The following SLC5A11 variants were observed in gnomAD, a reference collection of about 807,000 sequenced individuals.
SLC5A11 encodes sodium/myo-inositol cotransporter 2.
A neutral mutation model predicts 69.8 loss-of-function variants in SLC5A11; 48 were observed. The ratio of observed to expected loss-of-function variants is 0.69; its 90% CI spans 0.55 to 0.87. The LOEUF is 0.87. Among genes scored for constraint, SLC5A11 ranks in the 40% least tolerant of loss-of-function variants. SLC5A11 has a pLI of 0.00. For missense variants in SLC5A11, 784 were observed against 866.1 expected, an observed-to-expected ratio of 0.91 and a Z score of 1.19; for synonymous variants, 319 against 342.4, an observed-to-expected ratio of 0.93 and a Z score of 0.75.
intron 2 of SLC5A11, among the ~76,000 whole-genome samples, chr16:24,860,709 T>C (rs2152262025): frequency 6.6e-6 from 1 of 152,148 alleles, no homozygotes; most frequent in East Asian, 1.9e-4. Context: ...TTTTTTTTGT[T>C]TTTTGTTTTT....
At chr16:24,862,080 A>G (rs1188215673) in intron 2 of SLC5A11, 2 of 152,338 alleles carry the variant, frequency 1.3e-5, no homozygotes, top group Non-Finnish European at 2.9e-5. Flanking sequence ...GAATTGTAAG[A>G]AACAAATTTC....
At chr16:24,892,562 C>T (rs1036293231) in intron 9 of SLC5A11, among the ~76,000 whole-genome samples, 3 of 150,398 alleles carry the variant, frequency 2.0e-5, no homozygotes, top group South Asian at 2.1e-4. Flanking sequence ...GGAGGCAGGG[C>T]GGGTGGGAAG....
intron 7 of SLC5A11, among the ~76,000 whole-genome samples, chr16:24,882,321 A>G (rs1040293135): frequency 1.4e-4 from 22 of 152,186 alleles, no homozygotes; most frequent in Non-Finnish European, 2.8e-4. Flanking sequence ...ACCCAACACC[A>G]GGATCTCACC....
intron 10 of SLC5A11, among the ~76,000 whole-genome samples, chr16:24,904,375 A>G (rs1284542975): frequency 2.0e-5 from 3 of 152,336 alleles, no homozygotes; most frequent in African/African-American, 4.8e-5. Flanking sequence ...CCAACAATGT[A>G]TAAGAGTTTC....
intron 1 of SLC5A11, among the ~76,000 whole-genome samples, chr16:24,848,840 A>T (rs1216255317): frequency 6.6e-6 from 1 of 152,170 alleles, no homozygotes; most frequent in Non-Finnish European, 1.5e-5. Flanking sequence ...GGAAGAATGG[A>T]TATCGGGGAG....
intron 3 of SLC5A11, 60 bp downstream of exon 4, chr16:24,862,732 C>G: frequency 6.7e-7 from 1 of 1,486,776 alleles, no homozygotes. Context: ...TGCTGGGATT[C>G]TGTCCAGCCT....
At chr16:24,900,172 A>G (rs1409542936) in intron 10 of SLC5A11, among the ~76,000 whole-genome samples, 1 of 152,118 alleles carries the variant, frequency 6.6e-6, no homozygotes, top group Non-Finnish European at 1.5e-5. Flanking sequence ...GGTGATCTAT[A>G]CAGAAGAAAG....
intron 7 of SLC5A11, among the ~76,000 whole-genome samples, chr16:24,883,205 A>C (rs1289151031): frequency 6.6e-6 from 1 of 152,078 alleles, no homozygotes; most frequent in Non-Finnish European, 1.5e-5. Context: ...TCTCTAGAGA[A>C]AAGTTAAAAA....
At chr16:24,905,650 A>G (rs753315227) in intron 10 of SLC5A11, among the ~76,000 whole-genome samples, 10,626 of 144,610 alleles carry the variant, frequency 0.073, 472 homozygotes, top group Middle Eastern at 0.14. Context: ...GCACACACAC[A>G]CACACACACA....
rs530830304 is a variant in SLC5A11, at chr16:24,875,543, G to A, written c.373-84G>A. On this transcript the variant is annotated intron_variant, in intron 5 of 15. Transcript: ENST00000347898. ...TCTGTGCTCTGAGTTGCGGGGGCAGGAGCAGATGGGAAGGGCTTGTGTGGG... is the reference window on the plus strand; with the variant it reads ...TCTGTGCTCTGAGTTGCGGGGGCAGAAGCAGATGGGAAGGGCTTGTGTGGG... The A allele has an allele frequency of 3.8e-6, 4 of 1,053,186 alleles. No individual in the cohort carries two copies. In the South Asian group the frequency reaches 5.5e-5, roughly 15 times the overall value. The allele number at this position is 1,053,186 out of a possible 1,614,324, so 65.2% of individuals were successfully genotyped here.
At chr16:24,869,323 G>C (rs1344301419) in intron 3 of SLC5A11, among the ~76,000 whole-genome samples, 1 of 152,042 alleles carries the variant, frequency 6.6e-6, no homozygotes, top group Non-Finnish European at 1.5e-5. Flanking sequence ...CCGCAGAGAC[G>C]GTGTCCCCGT....
At chr16:24,905,628 A>ATG (rs1555534345) in intron 10 of SLC5A11, among the ~76,000 whole-genome samples, 4 of 128,544 alleles carry the variant, frequency 3.1e-5, no homozygotes, top group Admixed American at 8.1e-5. Flanking sequence ...TCTCAAAAAC[A>ATG]CGCGCGCGCG....
At chr16:24,891,353 C>A (rs955484794) in intron 9 of SLC5A11, among the ~76,000 whole-genome samples, 3 of 137,684 alleles carry the variant, frequency 2.2e-5, no homozygotes, top group African/African-American at 5.4e-5. Flanking sequence ...CTCACTCTAT[C>A]ACCCAGGCTG....
intron 1 of SLC5A11, among the ~76,000 whole-genome samples, chr16:24,857,599 A>G (rs2059590668): frequency 1.3e-5 from 2 of 152,230 alleles, no homozygotes; most frequent in South Asian, 4.2e-4. Flanking sequence ...TTGTAGCTCC[A>G]TTACCCCATC....
At chr16:24,907,818 G>A (rs2050183445) in intron 12 of SLC5A11, 145 bp from the exon 14 acceptor site, 1 of 972,308 alleles carries the variant, frequency 1.0e-6, no homozygotes. Context: ...CCCAGGAGTT[G>A]GAGGCTGCAG....
intron 7 of SLC5A11, among the ~76,000 whole-genome samples, chr16:24,879,354 AT>A (rs1432285125): frequency 6.6e-6 from 1 of 152,090 alleles, no homozygotes; most frequent in Non-Finnish European, 1.5e-5. Flanking sequence ...TTCAACTGGT[AT>A]CCCCCTCCCT....
At chr16:24,909,543 G>A (rs1039395826) in intron 14 of SLC5A11, among the ~76,000 whole-genome samples, 10 of 151,204 alleles carry the variant, frequency 6.6e-5, no homozygotes, top group Non-Finnish European at 1.3e-4. Flanking sequence ...GAGAGGCTGA[G>A]GTGGGAGGAT....
At chr16:24,910,713 A>G (rs561650124) in intron 15 of SLC5A11, among the ~76,000 whole-genome samples, 4 of 152,260 alleles carry the variant, frequency 2.6e-5, no homozygotes, top group Non-Finnish European at 5.9e-5. Flanking sequence ...TTGAGTGCCT[A>G]CGGAGACACG....
At chr16:24,868,816 T>TTCC (rs1159787928) in intron 3 of SLC5A11, among the ~76,000 whole-genome samples, 1 of 151,592 alleles carries the variant, frequency 6.6e-6, no homozygotes, top group Non-Finnish European at 1.5e-5. Flanking sequence ...CCTCCTTTCC[T>TTCC]TCCTCCTCCT....
Sources: gnomAD v4.1 joint callset for allele counts (sites outside exome capture counted in the v4.1 genomes callset) on GRCh38, gnomAD v4.1.1 for gene constraint, MANE v1.5 for transcripts, NCBI Gene and HGNC (gene_info 2026-07-23, HGNC 2026-07-21) for gene names.